DCC: variants seen among roughly 807,000 people sequenced by gnomAD.
DCC encodes the protein DCC netrin 1 receptor.
A neutral mutation model predicts 172.5 loss-of-function variants in DCC; 58 were observed. That is an observed-to-expected ratio of 0.34 (90% confidence interval 0.27 to 0.42). The LOEUF is 0.42. Among genes scored for constraint, DCC ranks in the 10% least tolerant of loss-of-function variants. The probability of loss-of-function intolerance (pLI) is 1.00; values close to 1 mark genes in which losing one functional copy is unlikely to be tolerated. For synonymous variants in DCC, 709 were observed against 644.5 expected, an observed-to-expected ratio of 1.10 and a Z score of -1.52; for missense variants, 1,740 against 1,791.0, an observed-to-expected ratio of 0.97 and a Z score of 0.51.
At chr18:52,949,907 G>GA (rs1203690468) in intron 5 of DCC, among the ~76,000 whole-genome samples, 4 of 152,136 alleles carry the variant, frequency 2.6e-5, no homozygotes, top group Admixed American at 6.5e-5. Context: ...TTCCATCATA[G>GA]AAAAAAGAAT....
intron 7 of DCC, among the ~76,000 whole-genome samples, chr18:53,122,874 T>C (rs2043502515): frequency 6.6e-6 from 1 of 152,092 alleles, no homozygotes; most frequent in Non-Finnish European, 1.5e-5. Context: ...AAAATCACTC[T>C]AACCATTTTA....
chr18:52,504,138 T>C (rs781334021), intron 1 of DCC, among the ~76,000 whole-genome samples: 41 of 152,012 alleles, frequency 2.7e-4, no homozygotes, highest in Admixed American at 3.3e-4. Context: ...AGAGGATGCG[T>C]TGGGGAGGGG....
chr18:53,262,437 C>T (rs747186626), intron 12 of DCC, among the ~76,000 whole-genome samples: 6 of 152,036 alleles, frequency 3.9e-5, no homozygotes, highest in Non-Finnish European at 5.9e-5. Flanking sequence ...ATTCATTGTC[C>T]CTGGATCCTC....
In DCC at chr18:53,205,353, G is replaced by A. The variant is rs1179846654; in HGVS notation, c.1711G>A (p.Gly571Arg). The A allele has an allele frequency of 2.5e-6, 4 of 1,613,938 alleles. No individual in the cohort carries two copies. The highest frequency in any genetic ancestry group is 2.2e-5 in the South Asian group (2 of 91,088). Residue 571 changes from glycine (G) to arginine (R), a missense_variant, in exon 10 of 29, where the codon GGA (glycine) becomes AGA (arginine). Around this residue, in one of 2 missense-constraint regions of DCC, gnomAD observed 1,732 missense variants for 1,767.4 expected, o/e 0.98. Coordinates refer to ENST00000442544, the MANE Select transcript of DCC (RefSeq NM_005215.4). ...ATTGTTCTGCACTGAGGTGTCCACA[G>A]GAAAAGAACAGGTAGGTGAAGGAAT... ...YRLFCTEVSTGKEQNIEVDGL... is the reference protein window; with the variant it reads ...YRLFCTEVSTRKEQNIEVDGL...
At chr18:53,022,870 T>C (rs1436770362) in intron 5 of DCC, among the ~76,000 whole-genome samples, 2 of 152,110 alleles carry the variant, frequency 1.3e-5, no homozygotes, top group Non-Finnish European at 2.9e-5. Context: ...AGTTTTGTAT[T>C]ATTGGATTTT....
chr18:53,029,023 G>A (rs2041993394), intron 5 of DCC, among the ~76,000 whole-genome samples: 2 of 151,924 alleles, frequency 1.3e-5, no homozygotes, highest in African/African-American at 2.4e-5. Flanking sequence ...ACAAAGAGGT[G>A]AACTAAAAAT....
intron 6 of DCC, among the ~76,000 whole-genome samples, chr18:53,064,683 C>G (rs976948950): frequency 3.3e-5 from 5 of 152,120 alleles, no homozygotes; most frequent in African/African-American, 1.2e-4. Flanking sequence ...TATTATTTTT[C>G]ACTTTTAGTT....
At chr18:53,354,997 A>G (rs909612821) in intron 15 of DCC, among the ~76,000 whole-genome samples, 20 of 152,128 alleles carry the variant, frequency 1.3e-4, no homozygotes, top group African/African-American at 4.8e-4. Flanking sequence ...ACATATGGCT[A>G]GCCAGTTTTC....
chr18:52,488,369 C>T (rs181173904), intron 1 of DCC, among the ~76,000 whole-genome samples: 4 of 152,180 alleles, frequency 2.6e-5, no homozygotes, highest in Non-Finnish European at 4.4e-5. Context: ...GTGGAAACAA[C>T]GTAACTGGGT....
At chr18:52,829,543 G>T (rs148828635) in intron 2 of DCC, among the ~76,000 whole-genome samples, 268 of 152,290 alleles carry the variant, frequency 1.8e-3, no homozygotes, top group Non-Finnish European at 3.1e-3. Flanking sequence ...AAGTGGAAGG[G>T]CTGAGCTCAG....
At chr18:53,021,495 T>C (rs955023312) in intron 5 of DCC, among the ~76,000 whole-genome samples, 4 of 152,158 alleles carry the variant, frequency 2.6e-5, no homozygotes, top group Non-Finnish European at 4.4e-5. Flanking sequence ...ACCATACCTC[T>C]TCTAGCATCC....
Position 53,086,585 on chromosome 18 carries a change from CCTT to C in DCC, c.1261+20447_1261+20449del, listed in dbSNP as rs755034828. Among the ~76,000 whole-genome samples the C allele has an allele frequency of 4.9e-3, 173 of 35,136 alleles. 32 individuals are homozygous for C. The highest frequency in any genetic ancestry group is 0.041 in the South Asian group (75 of 1,830). The allele number at this position is 35,136 out of a possible 152,430, so 23.1% of individuals were successfully genotyped here. A position where few individuals can be genotyped will look rare whatever the true frequency, so the allele number is the denominator to read the frequency against. On this transcript the variant is annotated intron_variant, in intron 7 of 28. Coordinates refer to ENST00000442544, the MANE Select transcript of DCC (RefSeq NM_005215.4). ...CTTCTTCTTCTTCTTTCTTCTTCTT[CCTT>C]CTTCTTCTTCTTCTTCTTCTTCTTC...
intron 2 of DCC, among the ~76,000 whole-genome samples, chr18:52,797,830 C>T (rs2037905593): frequency 6.6e-6 from 1 of 152,184 alleles, no homozygotes. Context: ...GGTCCCCGGA[C>T]AGTACATTCA....
At chr18:52,461,593 G>C (rs889409080) in intron 1 of DCC, among the ~76,000 whole-genome samples, 2 of 152,158 alleles carry the variant, frequency 1.3e-5, no homozygotes, top group Admixed American at 6.5e-5. Context: ...ATTGTGCTAT[G>C]ATGTTATGAC....
At chr18:52,886,984 C>T (rs1434131381) in intron 2 of DCC, among the ~76,000 whole-genome samples, 1 of 152,196 alleles carries the variant, frequency 6.6e-6, no homozygotes, top group African/African-American at 2.4e-5. Flanking sequence ...CTGCCTTCTG[C>T]CACTGACTGC....
At chr18:52,837,318 C>T (rs569864752) in intron 2 of DCC, among the ~76,000 whole-genome samples, 1 of 152,298 alleles carries the variant, frequency 6.6e-6, no homozygotes, top group East Asian at 1.9e-4. Flanking sequence ...TTGAATTTCT[C>T]CCCAGAAAAT....
At chr18:52,692,508 T>G (rs1273302890) in intron 1 of DCC, among the ~76,000 whole-genome samples, 1 of 152,148 alleles carries the variant, frequency 6.6e-6, no homozygotes, top group African/African-American at 2.4e-5. Flanking sequence ...ATGCAGTCTC[T>G]GCTCACTGCA....
At chr18:53,360,955 C>T (rs1221943342) in intron 15 of DCC, among the ~76,000 whole-genome samples, 1 of 152,066 alleles carries the variant, frequency 6.6e-6, no homozygotes, top group Non-Finnish European at 1.5e-5. Context: ...TTCTAACCTC[C>T]AGAACCTGTG....
chr18:52,503,093 TCTTA>T (rs2031094500), intron 1 of DCC, among the ~76,000 whole-genome samples: 2 of 152,286 alleles, frequency 1.3e-5, no homozygotes, highest in Non-Finnish European at 2.9e-5. Context: ...ACTTTTATAC[TCTTA>T]CTTATTTTAC....
Sources: gnomAD v4.1 joint callset for allele counts (sites outside exome capture counted in the v4.1 genomes callset) on GRCh38, gnomAD v4.1.1 for gene constraint, gnomAD v4.1.1 regional missense constraint, MANE v1.5 for transcripts, NCBI Gene and HGNC (gene_info 2026-07-23, HGNC 2026-07-21) for gene names.